The following DYNC1H1 variants were observed in gnomAD, a reference collection of about 807,000 sequenced individuals.
DYNC1H1 encodes dynein cytoplasmic 1 heavy chain 1, also known as cytoplasmic dynein 1 heavy chain 1.
DYNC1H1 carries 51 observed loss-of-function variants against 527.1 expected under a neutral mutation model. The observed-to-expected ratio is 0.10, with a 90% CI of 0.08 to 0.12. The LOEUF is 0.12. Ranked by LOEUF, DYNC1H1 falls within the 10% of genes least tolerant of loss-of-function variation. The probability of loss-of-function intolerance (pLI) is 1.00; values close to 1 mark genes in which losing one functional copy is unlikely to be tolerated. For synonymous variants in DYNC1H1, 2,189 were observed against 2,278.8 expected, an observed-to-expected ratio of 0.96 and a Z score of 1.12; for missense variants, 2,771 against 5,971.8, an observed-to-expected ratio of 0.46 and a Z score of 17.66.
intron 51 of DYNC1H1, among the ~76,000 whole-genome samples, chr14:102,031,522 G>T (rs181897805): frequency 4.6e-5 from 7 of 152,266 alleles, no homozygotes; most frequent in African/African-American, 1.4e-4. Flanking sequence ...GAGCCACTGT[G>T]CCTGGCAGCC....
At chr14:102,035,427 C>T (rs373906940) in intron 56 of DYNC1H1, 2 of 152,288 alleles carry the variant, frequency 1.3e-5, no homozygotes, top group African/African-American at 4.8e-5. Flanking sequence ...TTCCACGTCT[C>T]ACCGGGTGGT....
At position 102,012,201 on chromosome 14, in the gene DYNC1H1, T is replaced by C; in HGVS notation, c.6857+88T>C. On this transcript the variant is annotated intron_variant, in intron 33 of 77. Transcript: ENST00000360184. The surrounding 1 kb of genome is among the most constrained non-coding windows in gnomAD (Gnocchi z 4.9). ...ACAAGAGCAGAGTATACGTTATTTT[T>C]CAACCAAAGTCTGAGCAAATTAAAG... 6.2e-7 allele frequency: 1 copy of C among 1,611,738 alleles called. No individual in the cohort carries two copies. Among genetic ancestry groups the C allele is most frequent in the South Asian group, 1.1e-5 (1 of 90,890 alleles).
Position 102,012,627 on chromosome 14 carries a change from A to ATT in DYNC1H1, c.7014+164_7014+165dup. ...TCAAAGATAGCATCTCAACTGCTAGATTTTTTTTCCATTTCCATGGCTAGT... is the reference window on the plus strand; with the variant it reads ...TCAAAGATAGCATCTCAACTGCTAGATTTTTTTTTTCCATTTCCATGGCTAGT... On this transcript the variant is annotated intron_variant, in intron 34 of 77. Coordinates refer to ENST00000360184, the MANE Select transcript of DYNC1H1 (RefSeq NM_001376.5). The surrounding 1 kb of genome is among the most constrained non-coding windows in gnomAD (Gnocchi z 4.9). 9.6e-7 allele frequency: 1 copy of ATT among 1,045,906 alleles called. No homozygotes were observed. The highest frequency in any genetic ancestry group is 1.4e-6 in the Non-Finnish European group (1 of 694,112). The allele number at this position is 1,045,906 out of a possible 1,614,324, so 64.8% of individuals were successfully genotyped here. A position where few individuals can be genotyped will look rare whatever the true frequency, so the allele number is the denominator to read the frequency against.
In DYNC1H1 at chr14:101,979,530, G is replaced by T; in HGVS notation, c.518+38G>T. ...GTTTGAATGTTATATTTCACTTAAT[G>T]TTCACAAGATAGTATAGAACTCGGT... On this transcript the variant is annotated intron_variant, in intron 3 of 77. Coordinates refer to ENST00000360184, the MANE Select transcript of DYNC1H1 (RefSeq NM_001376.5). This position sits in a 1 kb window ranked among gnomAD's most constrained non-coding sequence, Gnocchi z 4.6. 6.2e-7 allele frequency: 1 copy of T among 1,613,500 alleles called. No individual in the cohort carries two copies. Among genetic ancestry groups the T allele is most frequent in the Non-Finnish European group, 8.5e-7 (1 of 1,179,592 alleles).
At position 101,985,827 on chromosome 14, in the gene DYNC1H1, T is replaced by G; in HGVS notation, c.1602T>G (p.Asp534Glu). 2 of 1,614,146 alleles carry G rather than the reference T, an allele frequency of 1.2e-6. No homozygotes were observed. Among genetic ancestry groups the G allele is most frequent in the Non-Finnish European group, 1.7e-6 (2 of 1,180,028 alleles). ...NLAYENVKEV[D>E]GLDVSKEGTE... ...CTTATGAGAACGTCAAGGAAGTGGA[T>G]GGACTGGATGTTTCCAAAGAGGGCA... Residue 534 changes from aspartate (D) to glutamate (E), a missense_variant, in exon 8 of 78, where the codon GAT becomes GAG. Physicochemically the swap from Asp to Glu is conservative, Grantham distance 45. Transcript: ENST00000360184. The surrounding 1 kb of genome is among the most constrained non-coding windows in gnomAD (Gnocchi z 5.9).
chr14:102,024,006 C>T (rs1186327103), intron 43 of DYNC1H1, among the ~76,000 whole-genome samples: 1 of 152,140 alleles, frequency 6.6e-6, no homozygotes. Context: ...GTCACTGATA[C>T]TTTAGGGCAG....
rs1298247888 is a variant in DYNC1H1, at chr14:102,042,543, G to T, written c.12399+36G>T. The T allele has an allele frequency of 6.2e-7, 1 of 1,613,874 alleles. No homozygotes were observed. Among genetic ancestry groups the T allele is most frequent in the African/African-American group, 1.3e-5 (1 of 74,932 alleles). The stretch of plus-strand genomic sequence containing the variant: ...GAAGGAGTGGAGACGTTGCAGGCTG[G>T]CCTGGCACTGTGCTGTCGGCACGTG... On this transcript the variant is annotated intron_variant, in intron 68 of 77. Transcript: ENST00000360184. This position sits in a 1 kb window ranked among gnomAD's most constrained non-coding sequence, Gnocchi z 5.7.
At chr14:102,000,506 T>G (rs562297170) in intron 18 of DYNC1H1, 107 bp downstream of exon 18, 8 of 951,554 alleles carry the variant, frequency 8.4e-6, no homozygotes, top group African/African-American at 8.1e-5. Context: ...GTTCATAAGA[T>G]GTCATTTAAT....
At chr14:102,014,407 A>G (rs2720192) in intron 34 of DYNC1H1, among the ~76,000 whole-genome samples, 32,013 of 151,850 alleles carry the variant, frequency 0.21, 4,553 homozygotes, top group African/African-American at 0.4. Flanking sequence ...GGTGGCGCAT[A>G]CCTGTAATCC....
In DYNC1H1 at chr14:102,036,193, C is replaced by T. The variant is rs549102230; in HGVS notation, c.10755-296C>T. The T allele has an allele frequency of 7.9e-6, 3 of 380,196 alleles. No individual in the cohort carries two copies. Among genetic ancestry groups the T allele is most frequent in the Middle Eastern group, 8.4e-4 (1 of 1,194 alleles). The allele number at this position is 380,196 out of a possible 1,614,324, so 23.6% of individuals were successfully genotyped here. ...CGTAAACATGAAAAAGCTATTCTAA[C>T]AGTGCAGGATGCTGAGAGGATGATT... On this transcript the variant is annotated intron_variant, in intron 56 of 77. Coordinates refer to ENST00000360184, the MANE Select transcript of DYNC1H1 (RefSeq NM_001376.5). This position sits in a 1 kb window ranked among gnomAD's most constrained non-coding sequence, Gnocchi z 5.6.
rs2048101873 is a variant in DYNC1H1 at position 101,999,135 on chromosome 14, G to GC, written c.3805-852dup. On this transcript the variant is annotated intron_variant, in intron 16 of 77. Coordinates refer to ENST00000360184, the MANE Select transcript of DYNC1H1 (RefSeq NM_001376.5). The stretch of plus-strand genomic sequence containing the variant: ...CTGACCTCATGATCTGCCCACCTTG[G>GC]CCTCCCAAAGTGCTGGGATTATAGG... Among the ~76,000 whole-genome samples the GC allele has an allele frequency of 5.9e-5, 9 of 151,816 alleles. No homozygotes were observed. The South Asian group carries it at 1.9e-3, about 32-fold the overall frequency.
At position 102,039,604 on chromosome 14, in the gene DYNC1H1, T is replaced by A; in HGVS notation, c.11596-34T>A. The stretch of plus-strand genomic sequence containing the variant: ...GGGGGAAGCAGGGTGCTGCTTCTCT[T>A]ATGGAACAACATCGTCTCCTGCTCT... On this transcript the variant is annotated intron_variant, in intron 61 of 77. Coordinates refer to ENST00000360184, the MANE Select transcript of DYNC1H1 (RefSeq NM_001376.5). The surrounding 1 kb of genome is among the most constrained non-coding windows in gnomAD (Gnocchi z 7.0). 1 of 1,614,120 alleles carries A rather than the reference T, an allele frequency of 6.2e-7. No homozygotes were observed. Among genetic ancestry groups the A allele is most frequent in the Non-Finnish European group, 8.5e-7 (1 of 1,180,016 alleles).
In DYNC1H1 at chr14:102,040,582, A is replaced by G. The variant is rs1244891569; in HGVS notation, c.11866-16A>G. 3 of 1,614,014 alleles carry G rather than the reference A, an allele frequency of 1.9e-6. No homozygotes were observed. Among genetic ancestry groups the G allele is most frequent in the African/African-American group, 1.3e-5 (1 of 74,912 alleles). ...CCAGCCCTGCTCCATGGGTGCTTCC[A>G]CTATTGTCTCCACAGCAATTTGGCA... On this transcript the variant is annotated splice_polypyrimidine_tract_variant and intron_variant, in intron 63 of 77. Coordinates refer to ENST00000360184, the MANE Select transcript of DYNC1H1 (RefSeq NM_001376.5).
intron 62 of DYNC1H1, 80 bp from the exon 63 acceptor site, chr14:102,040,151 CTCTTT>C: frequency 6.3e-7 from 1 of 1,580,598 alleles, no homozygotes; most frequent in Non-Finnish European, 8.7e-7. Flanking sequence ...GGCCTGTTTT[CTCTTT>C]TCTTAAATCA....
chr14:102,042,842 G>C lies in DYNC1H1; in HGVS notation c.12513+94G>C, dbSNP rs142586943. 1.7e-5 allele frequency: 24 copies of C among 1,392,402 alleles called. No homozygotes were observed. Among genetic ancestry groups the C allele is most frequent in the Non-Finnish European group, 2.1e-5 (21 of 999,702 alleles). The allele number at this position is 1,392,402 out of a possible 1,614,324, so 86.3% of individuals were successfully genotyped here. A position where few individuals can be genotyped will look rare whatever the true frequency, so the allele number is the denominator to read the frequency against. ...GAAGTGGGTCCCTGGGCCCCCGGAA[G>C]TGCCGTGTGGTGAACTGCACAGCTG... On this transcript the variant is annotated intron_variant, in intron 69 of 77. Coordinates refer to ENST00000360184, the MANE Select transcript of DYNC1H1 (RefSeq NM_001376.5). This position sits in a 1 kb window ranked among gnomAD's most constrained non-coding sequence, Gnocchi z 5.7.
chr14:102,038,225 TGCCTCA>T lies in DYNC1H1; in HGVS notation c.10909-229_10909-224del. 7 of 581,510 alleles carry T rather than the reference TGCCTCA, an allele frequency of 1.2e-5. 1 individual carries two copies. The South Asian group carries it at 1.3e-4, about 11-fold the overall frequency. 36.0% of individuals were successfully genotyped at this position (581,510 alleles called of 1,614,324 possible). A position where few individuals can be genotyped will look rare whatever the true frequency, so the allele number is the denominator to read the frequency against. ...AACTCCTGACCTCAAGTGATCTGCC[TGCCTCA>T]GCCTCCCAAAGTGCTGGAATTACAG... On this transcript the variant is annotated intron_variant, in intron 57 of 77. Transcript: ENST00000360184. This position sits in a 1 kb window ranked among gnomAD's most constrained non-coding sequence, Gnocchi z 7.2.
chr14:101,982,826 A>G (rs1365241245), intron 5 of DYNC1H1, among the ~76,000 whole-genome samples, 193 bp from the exon 6 acceptor site: 1 of 152,128 alleles, frequency 6.6e-6, no homozygotes, highest in Non-Finnish European at 1.5e-5. Flanking sequence ...ATTGACTCAT[A>G]CTCTTAAATA....
intron 29 of DYNC1H1, among the ~76,000 whole-genome samples, chr14:102,009,078 G>C (rs888834466): frequency 6.6e-6 from 1 of 152,098 alleles, no homozygotes; most frequent in Admixed American, 6.6e-5. Flanking sequence ...TCTGTCTTTG[G>C]AAACAAGCCC....
intron 52 of DYNC1H1, chr14:102,032,678 C>T (rs1370146009): frequency 3.1e-6 from 2 of 647,726 alleles, no homozygotes; most frequent in South Asian, 1.9e-5. Context: ...ATGGCGACAC[C>T]CTGTCTCTAC....
Sources: allele counts gnomAD v4.1 joint callset (sites outside exome capture counted in the v4.1 genomes callset), GRCh38; gene constraint gnomAD v4.1.1; non-coding constraint Gnocchi (gnomAD v3.1); transcripts MANE v1.5; gene names NCBI Gene and HGNC (gene_info 2026-07-23, HGNC 2026-07-21).